Variants in NPPA observed in about 807,000 individuals in gnomAD.
NPPA encodes the protein natriuretic peptide A, also known as natriuretic peptides A.
NPPA carries 10 observed loss-of-function variants against 12.2 expected under a neutral mutation model. The observed-to-expected ratio is 0.82, with a 90% CI of 0.50 to 1.38. The LOEUF is 1.38. Among genes scored for constraint, NPPA ranks in the 40% most tolerant of loss-of-function variants. NPPA has a pLI of 0.00. For synonymous variants in NPPA, 85 were observed against 80.2 expected, an observed-to-expected ratio of 1.06 and a Z score of -0.32; for missense variants, 207 against 193.5, an observed-to-expected ratio of 1.07 and a Z score of -0.41.
chr1:11,847,333 AG>A lies in NPPA; in HGVS notation c.229del (p.Leu77SerfsTer35), dbSNP rs761550841. On this transcript the variant is annotated frameshift_variant, in exon 2 of 3. Transcript: ENST00000376480. LOFTEE classifies it high-confidence loss of function. ...CCCGGTCCAGGGAGGCACCTCAGGG[AG>A]GGGGCTGAGAGCAGCCCCCGCTTCT... ...NEEAGAALSPLPEVPPWTGEV... is the reference protein window; with the variant it reads ...NEEAGAALSPXPEVPPWTGEV... 114 of 1,613,584 alleles carry A rather than the reference AG, an allele frequency of 7.1e-5. No individual in the cohort carries two copies. Among genetic ancestry groups the A allele is most frequent in the Non-Finnish European group, 8.6e-5 (101 of 1,179,772 alleles).
rs577402137 is a variant in NPPA at position 11,846,358 on chromosome 1, C to T, written c.451-344G>A. ...TTTTTGAGACGGAGTCTTGCTCTGTCGCCCAGGCTGGAGTGCAGTGGTGCC... is the reference window on the plus strand; with the variant it reads ...TTTTTGAGACGGAGTCTTGCTCTGTTGCCCAGGCTGGAGTGCAGTGGTGCC... On this transcript the variant is annotated intron_variant, in intron 2 of 2. Transcript: ENST00000376480. Among the ~76,000 whole-genome samples, 163 of 129,470 alleles carry T rather than the reference C, an allele frequency of 1.3e-3. 2 individuals carry two copies. Among genetic ancestry groups the T allele is most frequent in the South Asian group, 7.0e-3 (27 of 3,854 alleles). 84.9% of individuals were successfully genotyped at this position (129,470 alleles called of 152,430 possible). A position where few individuals can be genotyped will look rare whatever the true frequency, so the allele number is the denominator to read the frequency against.
Position 11,847,117 on chromosome 1 carries a change from A to C in NPPA, c.446T>G (p.Phe149Cys). 6.5e-7 allele frequency: 1 copy of C among 1,530,362 alleles called. No individual in the cohort carries two copies. The highest frequency in any genetic ancestry group is 1.3e-5 in the South Asian group (1 of 77,744). The allele number at this position is 1,530,362 out of a possible 1,614,324, so 94.8% of individuals were successfully genotyped here. Residue 149 changes from phenylalanine to cysteine, a missense_variant, in exon 2 of 3, where the codon TTC becomes TGC. Transcript: ENST00000376480. ...GAQSGLGCNS[F>C]RY ...TCCATCCCCAGTTCCTCTTACCCGG[A>C]AGCTGTTACAGCCCAGTCCGCTCTG...
At position 11,845,723 on chromosome 1, in the gene NPPA, A is replaced by T. The variant is rs1393413154; in HGVS notation, c.*286T>A. ...CAACGCAGGCATTTGTCTTCTGTCC[A>T]TGGTGCTGAAGTTTATTCACTTTCA... On this transcript the variant is annotated 3_prime_UTR_variant, in exon 3 of 3. Coordinates refer to ENST00000376480, the MANE Select transcript of NPPA (RefSeq NM_006172.4). The T allele has an allele frequency of 2.0e-6, 1 of 489,368 alleles. No homozygotes were observed. The highest frequency in any genetic ancestry group is 3.2e-5 in the East Asian group (1 of 31,454). 30.3% of individuals were successfully genotyped at this position (489,368 alleles called of 1,614,324 possible). A position where few individuals can be genotyped will look rare whatever the true frequency, so the allele number is the denominator to read the frequency against.
At chr1:11,846,703 C>T (rs1336718271) in intron 2 of NPPA, among the ~76,000 whole-genome samples, 1 of 150,786 alleles carries the variant, frequency 6.6e-6, no homozygotes, top group Non-Finnish European at 1.5e-5. Flanking sequence ...GCAACCTCTG[C>T]CTCCTGGGTT....
chr1:11,846,234 G>T (rs1050910841), intron 2 of NPPA, among the ~76,000 whole-genome samples: 1 of 152,074 alleles, frequency 6.6e-6, no homozygotes, highest in East Asian at 1.9e-4. Context: ...TGCAATTCTG[G>T]GGAGGAATAT....
chr1:11,847,539 TG>T, intron 1 of NPPA, 22 bp downstream of exon 1: 3 of 1,614,206 alleles, frequency 1.9e-6, no homozygotes, highest in Non-Finnish European at 2.5e-6. Flanking sequence ...GGCCCCAGAC[TG>T]CACCCGCTTT....
At chr1:11,846,043 T>C in intron 2 of NPPA, 29 bp from the exon 3 acceptor site, 1 of 1,613,896 alleles carries the variant, frequency 6.2e-7, no homozygotes, top group Non-Finnish European at 8.5e-7. Flanking sequence ...CATATCTGGC[T>C]TGGTGACCTG....
rs941150669 is a variant in NPPA, at chr1:11,847,398, A to C, written c.165T>G (p.Asp55Glu). 11 of 1,613,982 alleles carry C rather than the reference A, an allele frequency of 6.8e-6. No homozygotes were observed. The highest frequency in any genetic ancestry group is 4.5e-5 in the East Asian group (2 of 44,898). The change falls in exon 2 of 3, where the codon GAT (aspartate) becomes GAG (glutamate). Residue 55 changes from aspartate (D) to glutamate (E), a missense_variant. By Grantham distance (45) the Asp-to-Glu change is conservative (BLOSUM62 2). Transcript: ENST00000376480. The stretch of plus-strand genomic sequence containing the variant: ...TGAGCACTTGTGGGGGCACGACCTC[A>C]TCTTCTAAAGGCATCTTTTCTTCCA... ...DHLEEKMPLEDEVVPPQVLSE... is the reference protein window; with the variant it reads ...DHLEEKMPLEEEVVPPQVLSE...
rs1390532443 is a variant in NPPA, at chr1:11,845,766, G to A, written c.*243C>T. The A allele has an allele frequency of 5.2e-6, 3 of 579,802 alleles. No homozygotes were observed. Among genetic ancestry groups the A allele is most frequent in the Non-Finnish European group, 9.3e-6 (3 of 322,352 alleles). The allele number at this position is 579,802 out of a possible 1,614,324, so 35.9% of individuals were successfully genotyped here. A position where few individuals can be genotyped will look rare whatever the true frequency, so the allele number is the denominator to read the frequency against. On this transcript the variant is annotated 3_prime_UTR_variant, in exon 3 of 3. Transcript: ENST00000376480. ...CACTTTCAAACCACTTTCAGTAACAGGTGAGGTTCTACCTTAAAATTTAAT... is the reference window on the plus strand; with the variant it reads ...CACTTTCAAACCACTTTCAGTAACAAGTGAGGTTCTACCTTAAAATTTAAT...
At position 11,847,253 on chromosome 1, in the gene NPPA, A is replaced by C; in HGVS notation, c.310T>G (p.Ser104Ala). ...GGALGRGPWDSSDRSALLKSK... is the reference protein window; with the variant it reads ...GGALGRGPWDASDRSALLKSK... ...TTTAGGAGGGCAGATCGATCAGAGG[A>C]GTCCCAGGGGCCCCGCCCGAGGGCA... The change falls in exon 2 of 3, where the codon TCC (serine) becomes GCC (alanine). Residue 104 changes from serine to alanine, a missense_variant. Physicochemically the swap from Ser to Ala is moderately conservative, Grantham distance 99 (BLOSUM62 1). Coordinates refer to ENST00000376480, the MANE Select transcript of NPPA (RefSeq NM_006172.4). The C allele has an allele frequency of 6.2e-7, 1 of 1,613,564 alleles. No individual in the cohort carries two copies. The highest frequency in any genetic ancestry group is 1.3e-5 in the African/African-American group (1 of 75,030).
chr1:11,846,599 C>T (rs1049280279), intron 2 of NPPA, among the ~76,000 whole-genome samples: 8 of 148,128 alleles, frequency 5.4e-5, no homozygotes, highest in East Asian at 2.0e-4. Context: ...GGATTACAGG[C>T]GTGAGCCACC....
Position 11,845,898 on chromosome 1 carries a change from A to C in NPPA, c.*111T>G. On this transcript the variant is annotated 3_prime_UTR_variant, in exon 3 of 3. Coordinates refer to ENST00000376480, the MANE Select transcript of NPPA (RefSeq NM_006172.4). ...AAGCTGCAGCTTAGATGGGATGATCACAACTCCATGGCAACAAGATGACAC... is the reference window on the plus strand; with the variant it reads ...AAGCTGCAGCTTAGATGGGATGATCCCAACTCCATGGCAACAAGATGACAC... 9.3e-7 allele frequency: 1 copy of C among 1,072,816 alleles called. No individual in the cohort carries two copies. The allele number at this position is 1,072,816 out of a possible 1,614,324, so 66.5% of individuals were successfully genotyped here. A position where few individuals can be genotyped will look rare whatever the true frequency, so the allele number is the denominator to read the frequency against.
Position 11,847,242 on chromosome 1 carries a change from T to C in NPPA, c.321A>G (p.Arg107=). ...TCAGCTTGCTTTTTAGGAGGGCAGA[T>C]CGATCAGAGGAGTCCCAGGGGCCCC... ...LGRGPWDSSD[R]SALLKSKLRA... Residue 107 remains arginine, a synonymous_variant, in exon 2 of 3, where the codon CGA becomes CGG. Coordinates refer to ENST00000376480, the MANE Select transcript of NPPA (RefSeq NM_006172.4). 1.9e-6 allele frequency: 3 copies of C among 1,613,068 alleles called. No homozygotes were observed. The highest frequency in any genetic ancestry group is 2.5e-6 in the Non-Finnish European group (3 of 1,179,216).
chr1:11,845,902 C>T lies in NPPA; in HGVS notation c.*107G>A, dbSNP rs928750469. 6.3e-6 allele frequency: 7 copies of T among 1,110,816 alleles called. No homozygotes were observed. The African/African-American group carries it at 1.1e-4, about 17-fold the overall frequency. The allele number at this position is 1,110,816 out of a possible 1,614,324, so 68.8% of individuals were successfully genotyped here. On this transcript the variant is annotated 3_prime_UTR_variant, in exon 3 of 3. Transcript: ENST00000376480. ...TGCAGCTTAGATGGGATGATCACAA[C>T]TCCATGGCAACAAGATGACACAAAT...
chr1:11,846,151 G>T, intron 2 of NPPA, 137 bp from the exon 3 acceptor site: 1 of 829,120 alleles, frequency 1.2e-6, no homozygotes, highest in South Asian at 1.3e-5. Context: ...CCAGCCTGAT[G>T]ACCCTCTGAG....
rs138410047 is a variant in NPPA, at chr1:11,847,624, C to G, written c.61G>C (p.Gly21Arg). ...FLLLLAFQLLGQTRANPMYNA... is the reference protein window; with the variant it reads ...FLLLLAFQLLRQTRANPMYNA... The stretch of plus-strand genomic sequence containing the variant: ...TACATGGGATTAGCTCTGGTCTGAC[C>G]TAGGAGCTGGAATGCCAGTAAAAGG... The change falls in exon 1 of 3, where the codon GGT becomes CGT. Residue 21 changes from glycine (G) to arginine (R), a missense_variant. Gly to Arg is a moderately radical substitution (Grantham distance 125). Transcript: ENST00000376480. 2 of 1,614,056 alleles carry G rather than the reference C, an allele frequency of 1.2e-6. No homozygotes were observed. The highest frequency in any genetic ancestry group is 2.7e-5 in the African/African-American group (2 of 75,022).
chr1:11,846,552 C>T (rs12744433), intron 2 of NPPA, among the ~76,000 whole-genome samples: 6,031 of 151,416 alleles, frequency 0.04, 174 homozygotes, highest in Middle Eastern at 0.075. Flanking sequence ...CATCTCCTGA[C>T]CTCGTGATCC....
chr1:11,845,924 A>C lies in NPPA; in HGVS notation c.*85T>G. 1.5e-6 allele frequency: 2 copies of C among 1,340,916 alleles called. No homozygotes were observed. Among genetic ancestry groups the C allele is most frequent in the South Asian group, 2.3e-5 (2 of 85,728 alleles). 83.1% of individuals were successfully genotyped at this position (1,340,916 alleles called of 1,614,324 possible). On this transcript the variant is annotated 3_prime_UTR_variant, in exon 3 of 3. Coordinates refer to ENST00000376480, the MANE Select transcript of NPPA (RefSeq NM_006172.4). ...CAACTCCATGGCAACAAGATGACAC[A>C]AATGCAGCAGAGACCCCAGGGGACA...
At chr1:11,846,528 G>T (rs1212634937) in intron 2 of NPPA, among the ~76,000 whole-genome samples, 3 of 151,424 alleles carry the variant, frequency 2.0e-5, no homozygotes, top group African/African-American at 7.3e-5. Context: ...CACCGTGTTA[G>T]CCAGGATGGT....
Sources: gnomAD v4.1 joint callset for allele counts (sites outside exome capture counted in the v4.1 genomes callset) on GRCh38, gnomAD v4.1.1 for gene constraint, MANE v1.5 for transcripts, NCBI Gene and HGNC (gene_info 2026-07-23, HGNC 2026-07-21) for gene names.